Variants in GRM8 observed in about 807,000 individuals in gnomAD.
GRM8 encodes glutamate metabotropic receptor 8, also known as metabotropic glutamate receptor 8.
GRM8 carries 47 observed loss-of-function variants against 87.2 expected under a neutral mutation model. That is an observed-to-expected ratio of 0.54 (90% confidence interval 0.43 to 0.69). The LOEUF is 0.69. GRM8 is among the 30% of genes least tolerant of loss of function. The pLI is 0.00. For missense variants in GRM8, 1,019 were observed against 1,139.2 expected (o/e 0.89, Z 1.52); for synonymous variants, 396 against 404.5 (o/e 0.98, Z 0.25).
At chr7:126,535,718 G>A (rs188638107) in intron 8 of GRM8, among the ~76,000 whole-genome samples, 2 of 152,280 alleles carry the variant, frequency 1.3e-5, no homozygotes, top group African/African-American at 4.8e-5. Context: ...TCCTGTCCCT[G>A]TTTTAGCTAG....
chr7:127,037,753 T>C (rs1468997398), intron 3 of GRM8, among the ~76,000 whole-genome samples: 1 of 152,036 alleles, frequency 6.6e-6, no homozygotes, highest in Non-Finnish European at 1.5e-5. Context: ...ATCTCAGCCC[T>C]GCAGAACACA....
chr7:126,904,640 T>G lies in GRM8; in HGVS notation c.771A>C (p.Pro257=). ...IAQSQKIPRE[P]RPGEFEKIIK... is the part of the protein sequence containing the mutation. Reference sequence around the variant, plus strand: ...TAATTTTTTCAAATTCTCCAGGTCTTGGTTCACGTGGGATTTTCTGTGACT... The same window carrying G: ...TAATTTTTTCAAATTCTCCAGGTCTGGGTTCACGTGGGATTTTCTGTGACT... The change falls in exon 4 of 11, where the codon CCA becomes CCC. Residue 257 remains proline, a synonymous_variant. Coordinates refer to ENST00000339582, the MANE Select transcript of GRM8 (RefSeq NM_000845.3). 1 of 1,613,668 alleles carries G rather than the reference T, an allele frequency of 6.2e-7. No homozygotes were observed. Among genetic ancestry groups the G allele is most frequent in the Non-Finnish European group, 8.5e-7 (1 of 1,179,614 alleles).
At chr7:126,530,830 C>T (rs1461644238) in intron 9 of GRM8, among the ~76,000 whole-genome samples, 1 of 152,048 alleles carries the variant, frequency 6.6e-6, no homozygotes, top group East Asian at 1.9e-4. Flanking sequence ...TTGGTAGAGA[C>T]CAGGTCTCAC....
At chr7:126,850,413 C>G in intron 6 of GRM8, among the ~76,000 whole-genome samples, 1 of 152,280 alleles carries the variant, frequency 6.6e-6, no homozygotes, top group East Asian at 1.9e-4. Flanking sequence ...TCCCTTCCAT[C>G]CAAACACACC....
chr7:127,120,550 T>G (rs1827023848), intron 2 of GRM8, among the ~76,000 whole-genome samples: 1 of 152,200 alleles, frequency 6.6e-6, no homozygotes, highest in African/African-American at 2.4e-5. Flanking sequence ...CTCCAGGTGA[T>G]TCGTGTTCAC....
At chr7:127,129,936 C>T (rs1028942795) in intron 2 of GRM8, among the ~76,000 whole-genome samples, 19 of 152,136 alleles carry the variant, frequency 1.2e-4, no homozygotes, top group African/African-American at 4.3e-4. Context: ...ACCCAAATCT[C>T]ATCTGAGATT....
rs1385545104 is a variant in GRM8 at position 126,961,847 on chromosome 7, A to C, written c.728-57164T>G. Among the ~76,000 whole-genome samples the C allele has an allele frequency of 3.3e-5, 5 of 152,324 alleles. No individual in the cohort carries two copies. In the South Asian group the frequency reaches 6.2e-4, roughly 19 times the overall value. ...AGGCCTGTTCTCCAGTTAAAGGAGAATCACCCAGTACTGCTGTTCCTCCTC... is the reference window on the plus strand; with the variant it reads ...AGGCCTGTTCTCCAGTTAAAGGAGACTCACCCAGTACTGCTGTTCCTCCTC... On this transcript the variant is annotated intron_variant, in intron 3 of 10. Coordinates refer to ENST00000339582, the MANE Select transcript of GRM8 (RefSeq NM_000845.3).
intron 6 of GRM8, among the ~76,000 whole-genome samples, chr7:126,892,813 T>C (rs1182402193): frequency 6.6e-6 from 1 of 152,174 alleles, no homozygotes; most frequent in Non-Finnish European, 1.5e-5. Flanking sequence ...TTCCTGACTT[T>C]TTAATGACTG....
intron 3 of GRM8, among the ~76,000 whole-genome samples, chr7:127,037,008 G>A (rs1426622068): frequency 6.6e-6 from 1 of 152,052 alleles, no homozygotes; most frequent in Non-Finnish European, 1.5e-5. Flanking sequence ...ACAAACAGAA[G>A]GATAAGAGCC....
At chr7:127,088,232 T>TTGGTGG (rs1002948203) in intron 3 of GRM8, among the ~76,000 whole-genome samples, 1 of 152,014 alleles carries the variant, frequency 6.6e-6, no homozygotes, top group Non-Finnish European at 1.5e-5. Flanking sequence ...CTGGACTCAA[T>TTGGTGG]TGGTGGTGGT....
intron 7 of GRM8, among the ~76,000 whole-genome samples, chr7:126,728,035 T>C (rs115688182): frequency 9.2e-5 from 14 of 152,280 alleles, no homozygotes; most frequent in African/African-American, 3.1e-4. Context: ...AAGTGAGTCA[T>C]GCATGTGAAC....
intron 7 of GRM8, among the ~76,000 whole-genome samples, chr7:126,726,211 T>C (rs560125621): frequency 2.0e-5 from 3 of 146,590 alleles, no homozygotes; most frequent in African/African-American, 5.1e-5. Flanking sequence ...TTATCATTCA[T>C]GGATCAGGTT....
chr7:126,569,474 T>C (rs886583242), intron 8 of GRM8, among the ~76,000 whole-genome samples: 4 of 152,192 alleles, frequency 2.6e-5, no homozygotes, highest in South Asian at 2.1e-4. Context: ...TATATTCTAC[T>C]ACAGGAAGAA....
chr7:127,062,162 GAGAA>G (rs2132597027), intron 3 of GRM8, among the ~76,000 whole-genome samples: 1 of 151,424 alleles, frequency 6.6e-6, no homozygotes, highest in South Asian at 2.1e-4. Flanking sequence ...AAAAAGGAGA[GAGAA>G]AGAAAGAAAA....
intron 2 of GRM8, among the ~76,000 whole-genome samples, chr7:127,154,576 C>A (rs776212071): frequency 6.6e-6 from 1 of 152,050 alleles, no homozygotes; most frequent in Non-Finnish European, 1.5e-5. Flanking sequence ...CTACATTTAA[C>A]CTTTGTTCCC....
chr7:127,061,093 C>T (rs1462864378), intron 3 of GRM8, among the ~76,000 whole-genome samples: 1 of 152,138 alleles, frequency 6.6e-6, no homozygotes. Flanking sequence ...TCTTTCTGTC[C>T]CCATAGCTTT....
At chr7:126,476,566 A>AT (rs1805931350) in intron 9 of GRM8, among the ~76,000 whole-genome samples, 1 of 152,208 alleles carries the variant, frequency 6.6e-6, no homozygotes, top group Non-Finnish European at 1.5e-5. Context: ...GAAACCCCTG[A>AT]TTTTAAAATG....
At chr7:127,078,272 C>A (rs1181832516) in intron 3 of GRM8, among the ~76,000 whole-genome samples, 1 of 152,216 alleles carries the variant, frequency 6.6e-6, no homozygotes, top group Non-Finnish European at 1.5e-5. Context: ...TCCATCTGTG[C>A]TTTCATGACA....
intron 1 of GRM8, among the ~76,000 whole-genome samples, chr7:127,251,568 G>A (rs1042157297): frequency 6.6e-6 from 1 of 152,014 alleles, no homozygotes; most frequent in African/African-American, 2.4e-5. Context: ...TGTTGAAGCC[G>A]GGTTCTGGGT....
Sources: allele counts gnomAD v4.1 joint callset (sites outside exome capture counted in the v4.1 genomes callset), GRCh38; gene constraint gnomAD v4.1.1; transcripts MANE v1.5; gene names NCBI Gene and HGNC (gene_info 2026-07-23, HGNC 2026-07-21).